Variants in NECTIN3 observed in about 807,000 individuals in gnomAD.
The protein encoded by NECTIN3 is nectin cell adhesion molecule 3.
NECTIN3 carries 8 observed loss-of-function variants against 49.4 expected under a neutral mutation model. The ratio of observed to expected loss-of-function variants is 0.16; its 90% CI spans 0.10 to 0.29. NECTIN3 has a LOEUF of 0.29. Ranked by LOEUF, NECTIN3 falls within the 10% of genes least tolerant of loss-of-function variation. NECTIN3 has a pLI of 1.00. For synonymous variants in NECTIN3, 277 were observed against 241.1 expected, an observed-to-expected ratio of 1.15 and a Z score of -1.38; for missense variants, 581 against 654.6, an observed-to-expected ratio of 0.89 and a Z score of 1.23.
chr3:111,150,000 G>T (rs2034966546), intron 7 of NECTIN3, among the ~76,000 whole-genome samples: 1 of 151,858 alleles, frequency 6.6e-6, no homozygotes, highest in Non-Finnish European at 1.5e-5. Flanking sequence ...AAATGATCTA[G>T]GGAACTTTTT....
chr3:111,183,286 T>TG (rs984885802), intron 7 of NECTIN3, among the ~76,000 whole-genome samples: 1 of 151,986 alleles, frequency 6.6e-6, no homozygotes, highest in Non-Finnish European at 1.5e-5. Context: ...GATCTACTGA[T>TG]AAAACAATTT....
chr3:111,143,130 T>C (rs560623342), intron 5 of NECTIN3, among the ~76,000 whole-genome samples: 4 of 151,948 alleles, frequency 2.6e-5, no homozygotes, highest in East Asian at 1.9e-4. Context: ...AAGGATAATA[T>C]AGATTATCCG....
chr3:111,088,362 G>C (rs2107383268), intron 1 of NECTIN3, among the ~76,000 whole-genome samples: 1 of 152,192 alleles, frequency 6.6e-6, no homozygotes, highest in African/African-American at 2.4e-5. Flanking sequence ...ACTTTTTCAG[G>C]TATCAGAATT....
chr3:111,107,932 A>C (rs1032830896), intron 1 of NECTIN3, among the ~76,000 whole-genome samples: 1 of 152,194 alleles, frequency 6.6e-6, no homozygotes, highest in African/African-American at 2.4e-5. Flanking sequence ...AACATAAAAA[A>C]GCAGATATGT....
At chr3:111,072,623 A>T (rs2030865477) in intron 1 of NECTIN3, 29 of 1,501,192 alleles carry the variant, frequency 1.9e-5, no homozygotes, top group Non-Finnish European at 2.4e-5. Flanking sequence ...CTCCGGGTCC[A>T]CTTCTCATGG....
chr3:111,141,793 T>A (rs1486745539), downstream of NECTIN3, among the ~76,000 whole-genome samples: 1 of 152,014 alleles, frequency 6.6e-6, no homozygotes, highest in Non-Finnish European at 1.5e-5. Context: ...CTGCCTCTTG[T>A]AAGCATATAT....
chr3:111,095,904 G>T (rs933211718), intron 1 of NECTIN3, among the ~76,000 whole-genome samples: 2 of 152,156 alleles, frequency 1.3e-5, no homozygotes, highest in Non-Finnish European at 1.5e-5. Flanking sequence ...TCTCGGGTAT[G>T]TCTTTATCAG....
At position 111,126,226 on chromosome 3, in the gene NECTIN3, T is replaced by C; in HGVS notation, c.960T>C (p.Asn320=). The C allele has an allele frequency of 6.2e-7, 1 of 1,609,092 alleles. No homozygotes were observed. Among genetic ancestry groups the C allele is most frequent in the Non-Finnish European group, 8.5e-7 (1 of 1,178,576 alleles). ...CTGATGGTTTATTGGCTTCAGACAATACTCTTCATTTTGTCCATCCATTGA... is the reference window on the plus strand; with the variant it reads ...CTGATGGTTTATTGGCTTCAGACAACACTCTTCATTTTGTCCATCCATTGA... ...QWPDGLLASD[N]TLHFVHPLTF... is the part of the protein sequence containing the mutation. The change falls in exon 5 of 6, where the codon AAT becomes AAC. Residue 320 remains asparagine (N), a synonymous_variant. Coordinates refer to ENST00000485303, the MANE Select transcript of NECTIN3 (RefSeq NM_015480.3).
rs2033792609 is a variant in NECTIN3 at position 111,118,284 on chromosome 3, T to TA, written c.503-371dup. 1.3e-3 allele frequency among the ~76,000 whole-genome samples: 64 copies of TA among 49,530 alleles called. 1 individual carries two copies. Among genetic ancestry groups the TA allele is most frequent in the African/African-American group, 1.5e-3 (29 of 19,506 alleles). 32.5% of individuals were successfully genotyped at this position (49,530 alleles called of 152,430 possible). ...TATATATATATATATATATATATAT[T>TA]ATACATATATAAAACTTATCTTCCA... On this transcript the variant is annotated intron_variant, in intron 2 of 5. Transcript: ENST00000485303.
At chr3:111,106,546 C>G (rs752310652) in intron 1 of NECTIN3, among the ~76,000 whole-genome samples, 9 of 151,978 alleles carry the variant, frequency 5.9e-5, no homozygotes, top group Non-Finnish European at 1.3e-4. Context: ...ATTGAAAAAC[C>G]TTTTTGTTAT....
chr3:111,178,623 G>A (rs751448740), intron 7 of NECTIN3, among the ~76,000 whole-genome samples: 7 of 152,178 alleles, frequency 4.6e-5, no homozygotes, highest in Non-Finnish European at 8.8e-5. Flanking sequence ...AGACTCGTAC[G>A]GATGACGATA....
At chr3:111,127,621 A>C (rs2034219062) in intron 5 of NECTIN3, among the ~76,000 whole-genome samples, 1 of 151,682 alleles carries the variant, frequency 6.6e-6, no homozygotes, top group Admixed American at 6.6e-5. Context: ...GAGTGAGTGC[A>C]GTGGTGTGAT....
At chr3:111,087,613 A>G (rs2032008838) in intron 1 of NECTIN3, among the ~76,000 whole-genome samples, 1 of 152,166 alleles carries the variant, frequency 6.6e-6, no homozygotes. Flanking sequence ...AGATTGTGCC[A>G]CTGCACTCCA....
intron 6 of NECTIN3, among the ~76,000 whole-genome samples, chr3:111,146,181 TC>T (rs1170757126): frequency 6.6e-6 from 1 of 152,180 alleles, no homozygotes; most frequent in Non-Finnish European, 1.5e-5. Context: ...ACGCCTGTAA[TC>T]CCAGCACTTT....
intron 7 of NECTIN3, among the ~76,000 whole-genome samples, chr3:111,162,031 C>T (rs1559814011): frequency 6.6e-6 from 1 of 152,110 alleles, no homozygotes; most frequent in Non-Finnish European, 1.5e-5. Context: ...TTTAAGTCAA[C>T]ATTATGATCC....
At chr3:111,144,420 CA>C (rs201772407) in intron 5 of NECTIN3, among the ~76,000 whole-genome samples, 2 of 149,720 alleles carry the variant, frequency 1.3e-5, no homozygotes, top group African/African-American at 5.0e-5. Context: ...TGTCCAATGT[CA>C]ATTTTTTTTG....
intron 7 of NECTIN3, among the ~76,000 whole-genome samples, chr3:111,173,241 A>G (rs1009768258): frequency 2.0e-5 from 3 of 152,174 alleles, no homozygotes; most frequent in African/African-American, 7.2e-5. Context: ...CCACATCTTT[A>G]CAAGACCAGT....
intron 7 of NECTIN3, among the ~76,000 whole-genome samples, chr3:111,168,115 T>C (rs994175451): frequency 4.6e-5 from 7 of 152,152 alleles, no homozygotes; most frequent in Non-Finnish European, 8.8e-5. Context: ...ATTTCAGATA[T>C]TCAGATTAGT....
At chr3:111,129,981 A>G (rs1173440995) in intron 5 of NECTIN3, among the ~76,000 whole-genome samples, 2 of 131,242 alleles carry the variant, frequency 1.5e-5, no homozygotes, top group African/African-American at 5.9e-5. Flanking sequence ...TTTGAGACAG[A>G]GTCTTGCTCT....
Sources: allele counts gnomAD v4.1 joint callset (sites outside exome capture counted in the v4.1 genomes callset), GRCh38; gene constraint gnomAD v4.1.1; transcripts MANE v1.5; gene names NCBI Gene and HGNC (gene_info 2026-07-23, HGNC 2026-07-21).